The following R3HCC1L variants were observed in gnomAD, a reference collection of about 807,000 sequenced individuals.
The protein encoded by R3HCC1L is coiled-coil domain-containing protein R3HCC1L.
In R3HCC1L, 51 loss-of-function variants were observed where a neutral mutation model predicts 59.9. That is an observed-to-expected ratio of 0.85 (90% confidence interval 0.68 to 1.07). R3HCC1L has a LOEUF of 1.07. R3HCC1L is among the 50% of genes least tolerant of loss of function. The pLI is 0.00. For synonymous variants in R3HCC1L, 322 were observed against 315.2 expected (o/e 1.02, Z -0.23); for missense variants, 965 against 933.0 (o/e 1.03, Z -0.45).
intron 6 of R3HCC1L, among the ~76,000 whole-genome samples, chr10:98,232,090 G>A (rs1265692669): frequency 6.6e-6 from 1 of 152,150 alleles, no homozygotes; most frequent in Non-Finnish European, 1.5e-5. Context: ...CTGGGCTCAA[G>A]CAATCCTCCC....
chr10:98,151,022 G>T (rs1564617349), intron 1 of R3HCC1L, among the ~76,000 whole-genome samples: 1 of 152,080 alleles, frequency 6.6e-6, no homozygotes, highest in Non-Finnish European at 1.5e-5. Context: ...TGGTGAAAGG[G>T]GCATCATGGT....
intron 1 of R3HCC1L, among the ~76,000 whole-genome samples, chr10:98,144,390 A>G (rs1396560814): frequency 6.6e-6 from 1 of 151,778 alleles, no homozygotes; most frequent in African/African-American, 2.4e-5. Context: ...TAATTTTTGT[A>G]TTTGTAGTAG....
Position 98,244,255 on chromosome 10 carries a change from G to C in R3HCC1L, c.*97G>C. ...TCCAGAGCTCTATGTACATGCAGATGTGCATGTTAAAGAGATAAAGTGATC... is the reference window on the plus strand; with the variant it reads ...TCCAGAGCTCTATGTACATGCAGATCTGCATGTTAAAGAGATAAAGTGATC... On this transcript the variant is annotated 3_prime_UTR_variant, in exon 10 of 10. Coordinates refer to ENST00000298999, the MANE Select transcript of R3HCC1L (RefSeq NM_001351015.2). 1 of 1,188,954 alleles carries C rather than the reference G, an allele frequency of 8.4e-7. No individual in the cohort carries two copies. Among genetic ancestry groups the C allele is most frequent in the Non-Finnish European group, 1.2e-6 (1 of 810,306 alleles). The allele number at this position is 1,188,954 out of a possible 1,614,324, so 73.7% of individuals were successfully genotyped here.
At position 98,231,549 on chromosome 10, in the gene R3HCC1L, A is replaced by T; in HGVS notation, c.1823A>T (p.Glu608Val). 1 of 1,613,072 alleles carries T rather than the reference A, an allele frequency of 6.2e-7. No homozygotes were observed. The highest frequency in any genetic ancestry group is 8.5e-7 in the Non-Finnish European group (1 of 1,179,630). Residue 608 changes from glutamate (E) to valine (V), a missense_variant, in exon 6 of 10, where the codon GAA becomes GTA. Physicochemically the swap from Glu to Val is moderately radical, Grantham distance 121 (BLOSUM62 -2). Coordinates refer to ENST00000298999, the MANE Select transcript of R3HCC1L (RefSeq NM_001351015.2). ...GNTKSRESIQ[E>V]PRSDYYNHEV... ...ACCAAGAGCAGAGAGAGCATCCAGG[A>T]ACCTAGATCTGATTACTACAATCAT...
Position 98,208,457 on chromosome 10 carries a change from G to A in R3HCC1L, c.343G>A (p.Glu115Lys), listed in dbSNP as rs1437279141. The change falls in exon 5 of 10, where the codon GAA becomes AAA. Residue 115 changes from glutamate to lysine, a missense_variant. By Grantham distance (56) the Glu-to-Lys change is moderately conservative. Coordinates refer to ENST00000298999, the MANE Select transcript of R3HCC1L (RefSeq NM_001351015.2). ...TAAGAGAGGAACCACTGAATCCAAA[G>A]AAGTATTATCCCAAGGACAACAGCA... ...CSKRGTTESK[E>K]VLSQGQQQGA... 2 of 1,614,098 alleles carry A rather than the reference G, an allele frequency of 1.2e-6. No homozygotes were observed. Among genetic ancestry groups the A allele is most frequent in the South Asian group, 2.2e-5 (2 of 91,072 alleles).
rs190620071 is a variant in R3HCC1L at position 98,182,714 on chromosome 10, G to A, written c.-15+19317G>A. On this transcript the variant is annotated intron_variant, in intron 4 of 9. Transcript: ENST00000298999. ...TCTACCCAGTTTGAACTTCCCGGCC[G>A]CTTTGTTTACCTCCTCAAGCCTCGG... Among the ~76,000 whole-genome samples, 206 of 152,256 alleles carry A rather than the reference G, an allele frequency of 1.4e-3. 2 individuals are homozygous for A. Among genetic ancestry groups the A allele is most frequent in the Middle Eastern group, 0.01 (3 of 294 alleles).
chr10:98,197,514 G>T (rs142264693), intron 4 of R3HCC1L, among the ~76,000 whole-genome samples: 1 of 152,078 alleles, frequency 6.6e-6, no homozygotes, highest in African/African-American at 2.4e-5. Context: ...TTGATTGATT[G>T]TCTTCACCAG....
chr10:98,238,071 A>G (rs550804939), intron 9 of R3HCC1L, among the ~76,000 whole-genome samples: 76 of 152,308 alleles, frequency 5.0e-4, no homozygotes, highest in African/African-American at 1.7e-3. Flanking sequence ...TCAAAAAACC[A>G]TAGGTACTCT....
intron 4 of R3HCC1L, among the ~76,000 whole-genome samples, chr10:98,198,001 G>C (rs1055747146): frequency 6.6e-6 from 1 of 152,148 alleles, no homozygotes; most frequent in Admixed American, 6.6e-5. Flanking sequence ...GAAGAATTTT[G>C]AACTGGGAAA....
At chr10:98,213,610 A>G (rs1853835684) in intron 5 of R3HCC1L, among the ~76,000 whole-genome samples, 1 of 152,140 alleles carries the variant, frequency 6.6e-6, no homozygotes, top group Admixed American at 6.5e-5. Flanking sequence ...ATTAAACAAG[A>G]GATTATAGTT....
chr10:98,223,635 G>A (rs1855319444), intron 5 of R3HCC1L, among the ~76,000 whole-genome samples: 1 of 151,980 alleles, frequency 6.6e-6, no homozygotes, highest in Admixed American at 6.6e-5. Context: ...GATATCTTGG[G>A]CTGTAATCAG....
At chr10:98,175,323 CTT>C (rs1848901044) in intron 4 of R3HCC1L, among the ~76,000 whole-genome samples, 1 of 152,056 alleles carries the variant, frequency 6.6e-6, no homozygotes, top group Non-Finnish European at 1.5e-5. Context: ...CATTAAAAAA[CTT>C]AAGATTATAT....
intron 2 of R3HCC1L, among the ~76,000 whole-genome samples, chr10:98,159,006 G>T (rs1210136136): frequency 6.6e-6 from 1 of 151,756 alleles, no homozygotes; most frequent in African/African-American, 2.4e-5. Context: ...GATTCTCCCT[G>T]TGTTGCCCAG....
chr10:98,238,360 T>C (rs1857177927), intron 9 of R3HCC1L, among the ~76,000 whole-genome samples: 2 of 152,358 alleles, frequency 1.3e-5, no homozygotes, highest in South Asian at 4.1e-4. Flanking sequence ...CCTTACAGTC[T>C]AGTGAAGATA....
intron 4 of R3HCC1L, among the ~76,000 whole-genome samples, chr10:98,200,655 A>T (rs1488428583): frequency 1.3e-5 from 2 of 152,126 alleles, no homozygotes; most frequent in Non-Finnish European, 2.9e-5. Flanking sequence ...CTCAACACAA[A>T]AGGAAGAAAG....
chr10:98,230,612 C>T (rs1418213035), intron 5 of R3HCC1L, among the ~76,000 whole-genome samples: 1 of 152,130 alleles, frequency 6.6e-6, no homozygotes, highest in African/African-American at 2.4e-5. Context: ...TTCTTGCCTT[C>T]TGCTAGCTTT....
chr10:98,154,152 A>G (rs1478907754), intron 1 of R3HCC1L, among the ~76,000 whole-genome samples: 2 of 145,892 alleles, frequency 1.4e-5, no homozygotes, highest in Non-Finnish European at 3.0e-5. Context: ...ACTTTCAACC[A>G]TATCGTTATA....
chr10:98,173,503 C>T (rs939559060), intron 4 of R3HCC1L, among the ~76,000 whole-genome samples: 1 of 152,116 alleles, frequency 6.6e-6, no homozygotes, highest in African/African-American at 2.4e-5. Flanking sequence ...GCCTATTGAT[C>T]CACCGGCAGT....
chr10:98,136,515 G>A (rs1028747645), intron 1 of R3HCC1L, among the ~76,000 whole-genome samples: 9 of 152,248 alleles, frequency 5.9e-5, no homozygotes, highest in African/African-American at 2.2e-4. Flanking sequence ...TAGCCTAAAG[G>A]TAATTTTATA....
Sources: gnomAD v4.1 joint callset for allele counts (sites outside exome capture counted in the v4.1 genomes callset) on GRCh38, gnomAD v4.1.1 for gene constraint, MANE v1.5 for transcripts, NCBI Gene and HGNC (gene_info 2026-07-23, HGNC 2026-07-21) for gene names.